WBP1L: variants seen among roughly 807,000 people sequenced by gnomAD.
WBP1L encodes the protein WW domain binding protein 1 like.
WBP1L carries 17 observed loss-of-function variants against 33.7 expected under a neutral mutation model. The ratio of observed to expected loss-of-function variants is 0.50; its 90% confidence interval spans 0.34 to 0.76. The LOEUF (loss-of-function observed/expected upper bound fraction) is 0.76. Among genes scored for constraint, WBP1L ranks in the 30% least tolerant of loss-of-function variants. The pLI is 0.01. For synonymous variants in WBP1L, 173 were observed against 190.8 expected (o/e 0.91, Z 0.77); for missense variants, 389 against 469.4 (o/e 0.83, Z 1.58).
Position 102,798,106 on chromosome 10 carries a change from G to C in WBP1L, c.193+11G>C. 6.2e-7 allele frequency: 1 copy of C among 1,612,326 alleles called. No homozygotes were observed. The highest frequency in any genetic ancestry group is 8.5e-7 in the Non-Finnish European group (1 of 1,178,484). On this transcript the variant is annotated intron_variant, in intron 2 of 3. Transcript: ENST00000448841. ...ACTATGAACTCTGGTGTAAGTCCTT[G>C]CTTGGGTGCCTCTCAGTATCCCAGG...
rs1843570210 is a variant in WBP1L at position 102,796,170 on chromosome 10, A to T, written c.91-1823A>T. ...TGATAGCCAGTGTCTCATTTTGCTT[A>T]TGGTGGACATGGGAGGGTGGTGGTG... On this transcript the variant is annotated intron_variant, in intron 1 of 3. Transcript: ENST00000448841. 2.1e-5 allele frequency among the ~76,000 whole-genome samples: 3 copies of T among 141,138 alleles called. No homozygotes were observed. In the South Asian group the frequency reaches 7.9e-4, roughly 37 times the overall value. The allele number at this position is 141,138 out of a possible 152,430, so 92.6% of individuals were successfully genotyped here.
At chr10:102,746,240 T>A (rs1464565408) in intron 1 of WBP1L, 8 of 843,948 alleles carry the variant, frequency 9.5e-6, no homozygotes, top group Non-Finnish European at 1.1e-5. Context: ...AACCACAGGC[T>A]GCTTTCTTAT....
chr10:102,780,968 G>A (rs1042001536), intron 1 of WBP1L, among the ~76,000 whole-genome samples: 2 of 152,176 alleles, frequency 1.3e-5, no homozygotes, highest in Non-Finnish European at 2.9e-5. Flanking sequence ...CAGTGAGATG[G>A]GATGATCCCT....
At chr10:102,766,310 G>A (rs1168569862) in intron 1 of WBP1L, among the ~76,000 whole-genome samples, 1 of 151,340 alleles carries the variant, frequency 6.6e-6, no homozygotes, top group Non-Finnish European at 1.5e-5. Flanking sequence ...GGCATGGTGC[G>A]CATGCCTGTA....
intron 1 of WBP1L, among the ~76,000 whole-genome samples, chr10:102,758,228 A>AC (rs1259751534): frequency 3.3e-5 from 5 of 151,810 alleles, no homozygotes; most frequent in Non-Finnish European, 7.4e-5. Context: ...TAATTCACAG[A>AC]CCATAACATT....
At chr10:102,803,239 A>G (rs776966510) in intron 2 of WBP1L, among the ~76,000 whole-genome samples, 20 of 152,194 alleles carry the variant, frequency 1.3e-4, no homozygotes, top group Admixed American at 6.5e-5. Context: ...TCTTGCTGAG[A>G]GCAAGGAAGG....
rs763377866 is a variant in WBP1L, at chr10:102,813,091, CGAT to C, written c.855_857del (p.Asp286del). 39 of 1,613,784 alleles carry C rather than the reference CGAT, an allele frequency of 2.4e-5. No individual in the cohort carries two copies. Among genetic ancestry groups the C allele is most frequent in the Middle Eastern group, 3.3e-4 (2 of 6,084 alleles). On this transcript the variant is annotated inframe_deletion, in exon 4 of 4. Transcript: ENST00000448841. ...GTGTGTGCAACCGGGGCCACCATGA[CGAT>C]GACCTCAAAGAGTTCAACACACTCA... is the stretch of plus-strand genomic sequence containing the variant.
At chr10:102,745,989 T>A (rs1378611550) in intron 1 of WBP1L, among the ~76,000 whole-genome samples, 2 of 152,222 alleles carry the variant, frequency 1.3e-5, no homozygotes, top group Non-Finnish European at 2.9e-5. Context: ...TTTGCACATG[T>A]CTGTTTCTGT....
chr10:102,811,126 G>C (rs2134069550), intron 3 of WBP1L, among the ~76,000 whole-genome samples: 1 of 152,130 alleles, frequency 6.6e-6, no homozygotes, highest in East Asian at 1.9e-4. Flanking sequence ...ACAATTGTGG[G>C]CCGGGCTCAG....
In WBP1L at chr10:102,815,326, C is replaced by G. The variant is rs1291483494; in HGVS notation, c.*1995C>G. On this transcript the variant is annotated 3_prime_UTR_variant, in exon 4 of 4. Transcript: ENST00000448841. ...GACACTCGGAGGCCTGCGTTCTGTT[C>G]CCTATAAATGGAAGCGTGCTCTGAG... is the stretch of plus-strand genomic sequence containing the variant. 1 of 152,660 alleles carries G rather than the reference C, an allele frequency of 6.6e-6. No individual in the cohort carries two copies. The highest frequency in any genetic ancestry group is 1.5e-5 in the Non-Finnish European group (1 of 68,048). 9.5% of individuals were successfully genotyped at this position (152,660 alleles called of 1,614,324 possible). A position where few individuals can be genotyped will look rare whatever the true frequency, so the allele number is the denominator to read the frequency against.
At chr10:102,792,592 C>CTTTTTTT (rs11368357) in intron 1 of WBP1L, among the ~76,000 whole-genome samples, 3 of 103,578 alleles carry the variant, frequency 2.9e-5, no homozygotes, top group Non-Finnish European at 4.0e-5. Context: ...TTTTTCTTTT[C>CTTTTTTT]TTTTTTTTTT....
intron 1 of WBP1L, among the ~76,000 whole-genome samples, chr10:102,758,094 A>G (rs1254286276): frequency 6.6e-6 from 1 of 151,364 alleles, no homozygotes; most frequent in African/African-American, 2.4e-5. Context: ...CATGTTGGCC[A>G]GACTGGTCTC....
intron 1 of WBP1L, 79 bp from the exon 2 acceptor site, chr10:102,797,914 A>G: frequency 7.7e-7 from 1 of 1,297,644 alleles, no homozygotes; most frequent in South Asian, 1.2e-5. Flanking sequence ...GTGAATAGAC[A>G]ACCAGGAGGA....
At chr10:102,791,565 G>A (rs750325813) in intron 1 of WBP1L, among the ~76,000 whole-genome samples, 2 of 152,176 alleles carry the variant, frequency 1.3e-5, no homozygotes, top group East Asian at 1.9e-4. Flanking sequence ...TTGGGAGGCC[G>A]AGGTGGGAGG....
intron 1 of WBP1L, among the ~76,000 whole-genome samples, chr10:102,745,872 T>C (rs1348355808): frequency 1.3e-5 from 2 of 152,176 alleles, no homozygotes; most frequent in Non-Finnish European, 2.9e-5. Context: ...AGAAGAAATA[T>C]ATTTTTTTTG....
intron 1 of WBP1L, among the ~76,000 whole-genome samples, chr10:102,755,316 G>C (rs1004870237): frequency 6.6e-6 from 1 of 152,022 alleles, no homozygotes; most frequent in South Asian, 2.1e-4. Flanking sequence ...TGATTCCCAG[G>C]CATAGTCATA....
intron 1 of WBP1L, among the ~76,000 whole-genome samples, chr10:102,783,329 T>A (rs1233002627): frequency 1.3e-5 from 2 of 152,154 alleles, no homozygotes; most frequent in Non-Finnish European, 2.9e-5. Context: ...TGCCTTAGGC[T>A]TTGAAGGACC....
chr10:102,810,112 G>A (rs1843808429), intron 3 of WBP1L, 58 bp downstream of exon 3: 1 of 1,547,652 alleles, frequency 6.5e-7, no homozygotes, highest in Non-Finnish European at 8.7e-7. Context: ...CAGACCCAGG[G>A]CTCACACTGA....
intron 2 of WBP1L, among the ~76,000 whole-genome samples, chr10:102,808,328 A>G (rs141920578): frequency 1.3e-3 from 196 of 152,236 alleles, no homozygotes; most frequent in African/African-American, 4.4e-3. Flanking sequence ...GTATATGTGT[A>G]TGTGTGTTAT....
Sources: gnomAD v4.1 joint callset for allele counts (sites outside exome capture counted in the v4.1 genomes callset) on GRCh38, gnomAD v4.1.1 for gene constraint, MANE v1.5 for transcripts, NCBI Gene and HGNC (gene_info 2026-07-23, HGNC 2026-07-21) for gene names.